SOS1: variants seen among roughly 807,000 people sequenced by gnomAD.
The protein encoded by SOS1 is son of sevenless homolog 1.
Under a neutral mutation model 157.6 loss-of-function variants are expected in SOS1, and 25 were observed. That is an observed-to-expected ratio of 0.16 (90% CI 0.12 to 0.22). The LOEUF (loss-of-function observed/expected upper bound fraction) is 0.22. SOS1 is among the 10% of genes least tolerant of loss of function. SOS1 has a pLI of 1.00. For missense variants in SOS1, 1,237 were observed against 1,599.1 expected (o/e 0.77, Z 3.86); for synonymous variants, 528 against 534.0 (o/e 0.99, Z 0.16).
rs535501288 is a variant in SOS1, at chr2:39,100,548, T to C, written c.87+19788A>G. On this transcript the variant is annotated intron_variant, in intron 1 of 22. Coordinates refer to ENST00000402219, the MANE Select transcript of SOS1 (RefSeq NM_005633.4). ...CCAGAGGACATTACACTCAGTAAAA[T>C]AAGCCAGACACTGAAAGAAAATACT... is the stretch of plus-strand genomic sequence containing the variant. Among the ~76,000 whole-genome samples, 12 of 152,244 alleles carry C rather than the reference T, an allele frequency of 7.9e-5. No individual in the cohort carries two copies. The South Asian group carries it at 2.5e-3, about 32-fold the overall frequency.
At chr2:39,088,315 C>CT (rs528165293) in intron 1 of SOS1, among the ~76,000 whole-genome samples, 12 of 147,928 alleles carry the variant, frequency 8.1e-5, no homozygotes, top group African/African-American at 2.8e-4. Context: ...AAGGAAGTGA[C>CT]TTTTTTTTTC....
intron 15 of SOS1, among the ~76,000 whole-genome samples, chr2:39,009,228 T>C (rs1669381415): frequency 6.6e-6 from 1 of 151,974 alleles, no homozygotes; most frequent in South Asian, 2.1e-4. Flanking sequence ...AAAAACTTAC[T>C]GGATAAGCTC....
intron 1 of SOS1, among the ~76,000 whole-genome samples, chr2:39,105,731 T>C (rs1673146759): frequency 6.6e-6 from 1 of 151,448 alleles, no homozygotes; most frequent in Non-Finnish European, 1.5e-5. Context: ...ACCCTGTCTC[T>C]ACTAAAAATA....
intron 6 of SOS1, among the ~76,000 whole-genome samples, chr2:39,036,572 G>A (rs532805349): frequency 2.6e-5 from 4 of 151,898 alleles, no homozygotes; most frequent in Admixed American, 2.0e-4. Context: ...CACCCTGGTC[G>A]TTTTTTGTTT....
intron 1 of SOS1, among the ~76,000 whole-genome samples, chr2:39,116,623 A>C (rs1572904210): frequency 6.6e-6 from 1 of 152,230 alleles, no homozygotes; most frequent in Non-Finnish European, 1.5e-5. Context: ...TAATCCTAGC[A>C]CTTTGGGAAG....
At chr2:39,079,477 A>C (rs975426375) in intron 1 of SOS1, among the ~76,000 whole-genome samples, 1 of 149,174 alleles carries the variant, frequency 6.7e-6, no homozygotes, top group African/African-American at 2.5e-5. Flanking sequence ...AAGCCTTTAA[A>C]AGTGTTCGAA....
At chr2:39,118,378 T>C (rs1355673483) in intron 1 of SOS1, among the ~76,000 whole-genome samples, 1 of 152,238 alleles carries the variant, frequency 6.6e-6, no homozygotes, top group Non-Finnish European at 1.5e-5. Flanking sequence ...AACGTAGGTT[T>C]TGAGCTACCA....
Position 39,012,322 on chromosome 2 carries a change from A to T in SOS1, c.2194T>A (p.Ser732Thr). 6.2e-7 allele frequency: 1 copy of T among 1,606,382 alleles called. No individual in the cohort carries two copies. The highest frequency in any genetic ancestry group is 8.5e-7 in the Non-Finnish European group (1 of 1,173,252). ...TTCCTTTGGATTATTTTAGTGATGG[A>T]TTCAACCCATTTTTTCATTGCTTTA... Reference protein sequence around the residue: ...RGKAMKKWVESITKIIQRKKI... With the variant: ...RGKAMKKWVETITKIIQRKKI... The change falls in exon 14 of 23, where the codon TCC (serine) becomes ACC (threonine). Residue 732 changes from serine (S) to threonine (T), a missense_variant. By Grantham distance (58) the Ser-to-Thr change is moderately conservative (BLOSUM62 1). Transcript: ENST00000402219.
intron 5 of SOS1, among the ~76,000 whole-genome samples, chr2:39,053,148 G>A (rs1417885147): frequency 1.3e-5 from 2 of 151,590 alleles, no homozygotes; most frequent in Non-Finnish European, 2.9e-5. Context: ...CCGAGACTAC[G>A]TCTCAAGAAA....
chr2:39,092,904 T>C (rs1357010202), intron 1 of SOS1, among the ~76,000 whole-genome samples: 1 of 152,170 alleles, frequency 6.6e-6, no homozygotes, highest in Non-Finnish European at 1.5e-5. Flanking sequence ...ATTCCCAAAT[T>C]AAAAGTTTAA....
chr2:39,120,259 C>T, intron 1 of SOS1, 77 bp downstream of exon 1: 1 of 1,318,460 alleles, frequency 7.6e-7, no homozygotes, highest in Non-Finnish European at 1.0e-6. Context: ...CCTGCGCGCG[C>T]CCCGCCTCCC....
chr2:38,990,183 T>G (rs76068887), intron 20 of SOS1, among the ~76,000 whole-genome samples: 6 of 151,546 alleles, frequency 4.0e-5, no homozygotes, highest in African/African-American at 1.5e-4. Flanking sequence ...TTTTTTTTTT[T>G]GCACAATAGG....
rs1351480029 is a variant in SOS1, at chr2:38,984,673, AAAAG to A, written c.*1147_*1150del. On this transcript the variant is annotated 3_prime_UTR_variant, in exon 23 of 23. Coordinates refer to ENST00000402219, the MANE Select transcript of SOS1 (RefSeq NM_005633.4). ...TAGTGTTTTTGTGTGTTTTTCAACT[AAAAG>A]AAATAAGAATCAACCATTTTCTTCA... The A allele has an allele frequency of 1.3e-5, 2 of 152,206 alleles. No homozygotes were observed. Among genetic ancestry groups the A allele is most frequent in the South Asian group, 4.1e-4 (2 of 4,834 alleles). The allele number at this position is 152,206 out of a possible 1,614,324, so 9.4% of individuals were successfully genotyped here. A position where few individuals can be genotyped will look rare whatever the true frequency, so the allele number is the denominator to read the frequency against.
chr2:39,108,530 A>G (rs1424867856), intron 1 of SOS1, among the ~76,000 whole-genome samples: 1 of 152,166 alleles, frequency 6.6e-6, no homozygotes, highest in Non-Finnish European at 1.5e-5. Flanking sequence ...TTAACTGGCT[A>G]ACTCTCATTT....
rs180708086 is a variant in SOS1, at chr2:39,069,320, C to T, written c.88-1567G>A. On this transcript the variant is annotated intron_variant, in intron 1 of 22. Coordinates refer to ENST00000402219, the MANE Select transcript of SOS1 (RefSeq NM_005633.4). The stretch of plus-strand genomic sequence containing the variant: ...GCTTAAACCCAGGATGCCAGGGCTG[C>T]AGTGAGCTATGATTAAACCACTGTA... Among the ~76,000 whole-genome samples, 5 of 150,908 alleles carry T rather than the reference C, an allele frequency of 3.3e-5. No individual in the cohort carries two copies. In the East Asian group the frequency reaches 9.8e-4, roughly 30 times the overall value.
intron 8 of SOS1, chr2:39,034,958 C>A (rs939060235): frequency 9.5e-6 from 5 of 528,490 alleles, no homozygotes; most frequent in Admixed American, 3.1e-5. Context: ...TTAACATTCA[C>A]TAAAAAACCA....
At chr2:39,071,984 C>T (rs183567314) in intron 1 of SOS1, among the ~76,000 whole-genome samples, 42 of 151,264 alleles carry the variant, frequency 2.8e-4, no homozygotes, top group East Asian at 2.7e-3. Flanking sequence ...ACCCAGATTA[C>T]ACCCCATTTA....
chr2:39,032,483 T>C (rs1389223291), intron 8 of SOS1, among the ~76,000 whole-genome samples: 1 of 152,158 alleles, frequency 6.6e-6, no homozygotes, highest in East Asian at 1.9e-4. Context: ...TAAAGGAAAA[T>C]GTATATATAT....
chr2:39,064,843 G>A (rs954369948), intron 2 of SOS1, among the ~76,000 whole-genome samples: 2 of 131,820 alleles, frequency 1.5e-5, no homozygotes, highest in African/African-American at 5.8e-5. Flanking sequence ...CTGCCTCCCG[G>A]GTTCAAGTGG....
Sources: allele counts gnomAD v4.1 joint callset (sites outside exome capture counted in the v4.1 genomes callset), GRCh38; gene constraint gnomAD v4.1.1; transcripts MANE v1.5; gene names NCBI Gene and HGNC (gene_info 2026-07-23, HGNC 2026-07-21).